Variants in GLI3 observed in about 807,000 individuals in gnomAD.
GLI3 encodes transcription activator GLI3.
A neutral mutation model predicts 100.8 loss-of-function variants in GLI3; 20 were observed. That is an observed-to-expected ratio of 0.20 (90% CI 0.14 to 0.29). The LOEUF is 0.29. Ranked by LOEUF, GLI3 falls within the 10% of genes least tolerant of loss-of-function variation. The pLI is 1.00. For missense variants in GLI3, 2,040 were observed against 2,128.5 expected (o/e 0.96, Z 0.82); for synonymous variants, 938 against 860.5 (o/e 1.09, Z -1.58).
At chr7:42,196,845 C>T (rs1396203995) in intron 2 of GLI3, among the ~76,000 whole-genome samples, 1 of 152,190 alleles carries the variant, frequency 6.6e-6, no homozygotes, top group Non-Finnish European at 1.5e-5. Flanking sequence ...GGAAATGTAT[C>T]TGAATATTGG....
At chr7:42,002,885 T>C (rs567951272) in intron 10 of GLI3, among the ~76,000 whole-genome samples, 1 of 152,326 alleles carries the variant, frequency 6.6e-6, no homozygotes, top group African/African-American at 2.4e-5. Context: ...AATGATAATA[T>C]CCACCTCATT....
At chr7:41,981,778 C>T (rs1382243225) in intron 10 of GLI3, among the ~76,000 whole-genome samples, 2 of 152,204 alleles carry the variant, frequency 1.3e-5, no homozygotes, top group African/African-American at 4.8e-5. Flanking sequence ...TAGAATCTGC[C>T]TACAATGGTG....
intron 2 of GLI3, among the ~76,000 whole-genome samples, chr7:42,182,685 C>CGT (rs1562775928): frequency 7.6e-5 from 4 of 52,810 alleles, no homozygotes; most frequent in Non-Finnish European, 1.1e-4. Flanking sequence ...TATATATACA[C>CGT]ATGTGTGTAT....
At chr7:42,159,119 T>C (rs1787072176) in intron 2 of GLI3, among the ~76,000 whole-genome samples, 1 of 152,010 alleles carries the variant, frequency 6.6e-6, no homozygotes, top group South Asian at 2.1e-4. Flanking sequence ...AATAGCTATT[T>C]TGCAAAAAAA....
At chr7:42,063,457 A>C (rs1031139510) in intron 4 of GLI3, among the ~76,000 whole-genome samples, 6 of 152,180 alleles carry the variant, frequency 3.9e-5, no homozygotes, top group Non-Finnish European at 7.3e-5. Context: ...TTATTCAGAC[A>C]TAGATTTTTT....
chr7:42,118,506 A>G (rs1434867911), intron 3 of GLI3, among the ~76,000 whole-genome samples: 2 of 152,160 alleles, frequency 1.3e-5, no homozygotes, highest in African/African-American at 2.4e-5. Flanking sequence ...TTTTTCTTAG[A>G]TTGGTTTTTG....
At chr7:42,194,819 T>G (rs1184801868) in intron 2 of GLI3, among the ~76,000 whole-genome samples, 1 of 140,340 alleles carries the variant, frequency 7.1e-6, no homozygotes, top group Non-Finnish European at 1.5e-5. Flanking sequence ...CAGGCTGGAG[T>G]GCAGTGGCAT....
At chr7:42,039,565 C>T (rs1010699379) in intron 7 of GLI3, among the ~76,000 whole-genome samples, 1 of 152,194 alleles carries the variant, frequency 6.6e-6, no homozygotes, top group East Asian at 1.9e-4. Flanking sequence ...TTCCATCAGA[C>T]GAAAAGTCCT....
intron 2 of GLI3, among the ~76,000 whole-genome samples, chr7:42,203,255 C>G (rs1448507232): frequency 6.6e-6 from 1 of 152,050 alleles, no homozygotes; most frequent in African/African-American, 2.4e-5. Flanking sequence ...CATTTAACAT[C>G]CACTCTCAGC....
At chr7:42,143,826 A>G (rs1012186877) in intron 3 of GLI3, among the ~76,000 whole-genome samples, 21 of 152,328 alleles carry the variant, frequency 1.4e-4, no homozygotes, top group African/African-American at 5.1e-4. Context: ...ACTGCTTAGG[A>G]GCAGTTGGGG....
intron 4 of GLI3, among the ~76,000 whole-genome samples, chr7:42,070,214 A>T (rs2128750003): frequency 6.6e-6 from 1 of 152,378 alleles, no homozygotes; most frequent in Non-Finnish European, 1.5e-5. Flanking sequence ...TACATTCTAC[A>T]GCAGCAAAGA....
chr7:42,074,767 T>A (rs1286437044), intron 4 of GLI3, among the ~76,000 whole-genome samples: 2 of 152,222 alleles, frequency 1.3e-5, no homozygotes, highest in Admixed American at 6.5e-5. Context: ...AGCAATGATA[T>A]TCCCTCTCAG....
At chr7:42,177,333 C>T (rs1378715897) in intron 2 of GLI3, among the ~76,000 whole-genome samples, 2 of 152,178 alleles carry the variant, frequency 1.3e-5, no homozygotes, top group Non-Finnish European at 2.9e-5. Flanking sequence ...ATAAAGAGGA[C>T]TGTAACTTCA....
chr7:42,092,405 A>G (rs1432434941), intron 3 of GLI3, among the ~76,000 whole-genome samples: 1 of 152,166 alleles, frequency 6.6e-6, no homozygotes, highest in African/African-American at 2.4e-5. Flanking sequence ...AAAGTTCAAG[A>G]CAAGAACCAG....
intron 2 of GLI3, among the ~76,000 whole-genome samples, chr7:42,152,646 C>T (rs1050884183): frequency 6.6e-6 from 1 of 152,172 alleles, no homozygotes; most frequent in African/African-American, 2.4e-5. Flanking sequence ...CTAATGTCAC[C>T]CTATCACAAT....
intron 13 of GLI3, 46 bp from the exon 14 acceptor site, chr7:41,967,969 C>T: frequency 6.8e-7 from 1 of 1,470,946 alleles, no homozygotes. Flanking sequence ...CAGGGAGGGT[C>T]AAGGAAAGGG....
chr7:42,126,480 A>G (rs1242962886), intron 3 of GLI3, among the ~76,000 whole-genome samples: 2 of 152,232 alleles, frequency 1.3e-5, no homozygotes, highest in African/African-American at 4.8e-5. Flanking sequence ...AATGCTAACT[A>G]AAGAAAAATC....
intron 2 of GLI3, among the ~76,000 whole-genome samples, chr7:42,191,290 T>A (rs1385635640): frequency 3.3e-5 from 5 of 152,174 alleles, no homozygotes; most frequent in African/African-American, 4.8e-5. Context: ...GCTTTTCTGT[T>A]CACCAGCAAT....
chr7:41,978,126 A>G (rs1271172838), intron 11 of GLI3, among the ~76,000 whole-genome samples: 1 of 152,252 alleles, frequency 6.6e-6, no homozygotes, highest in Admixed American at 6.5e-5. Flanking sequence ...ACCAGGGCTC[A>G]GCGTGCCCAG....
Sources: allele counts gnomAD v4.1 joint callset (sites outside exome capture counted in the v4.1 genomes callset), GRCh38; gene constraint gnomAD v4.1.1; transcripts MANE v1.5; gene names NCBI Gene and HGNC (gene_info 2026-07-23, HGNC 2026-07-21).